Variants in JAKMIP1 observed in about 807,000 individuals in gnomAD.
The protein encoded by JAKMIP1 is janus kinase and microtubule interacting protein 1.
A neutral mutation model predicts 113.0 loss-of-function variants in JAKMIP1; 33 were observed. The observed-to-expected ratio is 0.29, with a 90% confidence interval of 0.22 to 0.39. The LOEUF (loss-of-function observed/expected upper bound fraction) is 0.39, where lower values mean the gene tolerates loss of function less well. JAKMIP1 is among the 10% of genes least tolerant of loss of function. The pLI is 1.00. For synonymous variants in JAKMIP1, 480 were observed against 459.9 expected, an observed-to-expected ratio of 1.04 and a Z score of -0.56; for missense variants, 813 against 1,080.5, an observed-to-expected ratio of 0.75 and a Z score of 3.47.
chr4:6,130,868 T>TA (rs1245648217), intron 1 of JAKMIP1, among the ~76,000 whole-genome samples: 3 of 150,416 alleles, frequency 2.0e-5, no homozygotes, highest in South Asian at 2.1e-4. Flanking sequence ...AATAAATAAA[T>TA]AAAAAAAACG....
At position 6,035,922 on chromosome 4, in the gene JAKMIP1, C is replaced by A; in HGVS notation, c.2361G>T (p.Leu787=). 1 of 1,550,470 alleles carries A rather than the reference C, an allele frequency of 6.4e-7. No homozygotes were observed. Among genetic ancestry groups the A allele is most frequent in the Non-Finnish European group, 8.7e-7 (1 of 1,146,752 alleles). ...CGCCTACCTGCTGGGCCTGCTGCAGCAGCTCCATGCGCTCCCGCAGGATCT... is the reference window on the plus strand; with the variant it reads ...CGCCTACCTGCTGGGCCTGCTGCAGAAGCTCCATGCGCTCCCGCAGGATCT... ...DSQILRERME[L]LQQAQQRIRE... Residue 787 remains leucine, a synonymous_variant, in exon 19 of 21, where the codon CTG becomes CTT. Coordinates refer to ENST00000409021, the MANE Select transcript of JAKMIP1 (RefSeq NM_001099433.2).
rs754453199 is a variant in JAKMIP1 at position 6,180,014 on chromosome 4, G to A, written c.-148+20239C>T. 2.0e-5 allele frequency among the ~76,000 whole-genome samples: 3 copies of A among 152,180 alleles called. No homozygotes were observed. The highest frequency in any genetic ancestry group is 4.4e-5 in the Non-Finnish European group (3 of 68,032). ...CAGCATGCCTGACATCCTCTTAGAA[G>A]CCATGCAAGAACATTTGCAGGGATA... On this transcript the variant is annotated intron_variant, in intron 1 of 20. Coordinates refer to ENST00000409021, the MANE Select transcript of JAKMIP1 (RefSeq NM_001099433.2). The surrounding 1 kb of genome is among the most constrained non-coding windows in gnomAD (Gnocchi z 4.5).
chr4:6,041,049 C>T (rs533340842), intron 17 of JAKMIP1, among the ~76,000 whole-genome samples: 2 of 152,204 alleles, frequency 1.3e-5, no homozygotes, highest in African/African-American at 4.8e-5. Context: ...CCTGCTACAT[C>T]CTAGTGGCCC....
chr4:6,182,877 G>A (rs1487482692), intron 1 of JAKMIP1, among the ~76,000 whole-genome samples: 1 of 152,198 alleles, frequency 6.6e-6, no homozygotes, highest in Non-Finnish European at 1.5e-5. Context: ...CCATCCCGAG[G>A]AAGAAGGGAG....
chr4:6,109,352 C>G (rs979049297), intron 2 of JAKMIP1, among the ~76,000 whole-genome samples: 1 of 151,756 alleles, frequency 6.6e-6, no homozygotes, highest in African/African-American at 2.4e-5. Context: ...CCAGGATGGT[C>G]TCGATCTCCT....
rs1336535827 is a variant in JAKMIP1 at position 6,169,489 on chromosome 4, A to T, written c.-148+30764T>A. On this transcript the variant is annotated intron_variant, in intron 1 of 20. Transcript: ENST00000409021. ...ATCCTCCACTAGAGCTTTCAGAGAG[A>T]GCATGGCCCTGCCCACACCTTCATC... is the stretch of plus-strand genomic sequence containing the variant. 8.9e-4 allele frequency among the ~76,000 whole-genome samples: 135 copies of T among 152,098 alleles called. 4 individuals carry two copies. Among genetic ancestry groups the T allele is most frequent in the Non-Finnish European group, 7.4e-5 (5 of 68,014 alleles).
In JAKMIP1 at chr4:6,199,069, G is replaced by A. The variant is rs552965582; in HGVS notation, c.-148+1184C>T. Reference sequence around the variant, plus strand: ...CACGTTCCAGGAAAGCTCAGGAGGGGCAAGGGGATCTCCCTGACTACAAGG... The same window carrying A: ...CACGTTCCAGGAAAGCTCAGGAGGGACAAGGGGATCTCCCTGACTACAAGG... On this transcript the variant is annotated intron_variant, in intron 1 of 20. Transcript: ENST00000409021. This position sits in a 1 kb window ranked among gnomAD's most constrained non-coding sequence, Gnocchi z 5.6. 6.6e-6 allele frequency among the ~76,000 whole-genome samples: 1 copy of A among 152,388 alleles called. No individual in the cohort carries two copies. Among genetic ancestry groups the A allele is most frequent in the East Asian group, 1.9e-4 (1 of 5,182 alleles).
Position 6,129,226 on chromosome 4 carries a change from T to C in JAKMIP1, c.-147-16229A>G, listed in dbSNP as rs1387925201. 6.6e-6 allele frequency among the ~76,000 whole-genome samples: 1 copy of C among 152,180 alleles called. No homozygotes were observed. The highest frequency in any genetic ancestry group is 1.5e-5 in the Non-Finnish European group (1 of 68,032). ...AAGGGACACAGGTTTCCTGATTCCT[T>C]GATAAAAATAGTCCCCCCTTCTGCA... On this transcript the variant is annotated intron_variant, in intron 1 of 20. Transcript: ENST00000409021. This position sits in a 1 kb window ranked among gnomAD's most constrained non-coding sequence, Gnocchi z 5.4.
At chr4:6,170,939 A>C (rs939633983) in intron 1 of JAKMIP1, among the ~76,000 whole-genome samples, 18 of 146,482 alleles carry the variant, frequency 1.2e-4, no homozygotes, top group African/African-American at 4.3e-4. Context: ...CATCACCACC[A>C]CCACCAGCAT....
intron 1 of JAKMIP1, among the ~76,000 whole-genome samples, chr4:6,114,074 G>A (rs564002243): frequency 2.6e-5 from 4 of 152,334 alleles, no homozygotes; most frequent in Admixed American, 2.6e-4. Flanking sequence ...TAGAGATGAG[G>A]AAATGAAAGC....
In JAKMIP1 at chr4:6,105,695, G is replaced by C. The variant is rs571748093; in HGVS notation, c.402C>G (p.Thr134=). The C allele has an allele frequency of 1.9e-6, 3 of 1,603,282 alleles. No individual in the cohort carries two copies. Among genetic ancestry groups the C allele is most frequent in the Non-Finnish European group, 8.5e-7 (1 of 1,177,894 alleles). The change falls in exon 3 of 21, where the codon ACC becomes ACG. Residue 134 remains threonine, a synonymous_variant. Transcript: ENST00000409021. ...AADKVKTALL[T]EAREEARRAF... ...CCCTGCGCGCCTCCTCGCGCGCCTC[G>C]GTCAGCAGCGCCGTCTTGACCTTGT...
intron 11 of JAKMIP1, among the ~76,000 whole-genome samples, chr4:6,056,979 C>G (rs1377933514): frequency 6.6e-6 from 1 of 152,154 alleles, no homozygotes; most frequent in African/African-American, 2.4e-5. Context: ...TTCACATTCC[C>G]AAAAGCACAA....
In JAKMIP1 at chr4:6,178,186, T is replaced by TA. The variant is rs201683750; in HGVS notation, c.-148+22066dup. Among the ~76,000 whole-genome samples the TA allele has an allele frequency of 6.5e-3, 993 of 152,278 alleles. 8 individuals carry two copies. Among genetic ancestry groups the TA allele is most frequent in the Non-Finnish European group, 9.1e-3 (618 of 67,994 alleles). ...TATTTAGCTTTGTCCCCCATGGGTA[T>TA]AAAAAAATGACCCTTTAATGTTTTG... On this transcript the variant is annotated intron_variant, in intron 1 of 20. Transcript: ENST00000409021. This position sits in a 1 kb window ranked among gnomAD's most constrained non-coding sequence, Gnocchi z 5.5.
chr4:6,109,358 C>T (rs564444298), intron 2 of JAKMIP1, among the ~76,000 whole-genome samples: 5 of 152,008 alleles, frequency 3.3e-5, no homozygotes, highest in Admixed American at 6.5e-5. Context: ...TGGTCTCGAT[C>T]TCCTGACCTC....
rs947714362 is a variant in JAKMIP1, at chr4:6,199,255, C to T, written c.-148+998G>A. On this transcript the variant is annotated intron_variant, in intron 1 of 20. Transcript: ENST00000409021. The surrounding 1 kb of genome is among the most constrained non-coding windows in gnomAD (Gnocchi z 5.6). ...GCTCAGAGAGCCGGGCAGAGGCTGG[C>T]GGAGAGCCGAGGCTGGCCCAGCCTT... 6.6e-6 allele frequency among the ~76,000 whole-genome samples: 1 copy of T among 152,226 alleles called. No individual in the cohort carries two copies. The highest frequency in any genetic ancestry group is 2.4e-5 in the African/African-American group (1 of 41,466).
In JAKMIP1 at chr4:6,061,298, C is replaced by G. The variant is rs973500740; in HGVS notation, c.1561-791G>C. On this transcript the variant is annotated intron_variant, in intron 10 of 20. Coordinates refer to ENST00000409021, the MANE Select transcript of JAKMIP1 (RefSeq NM_001099433.2). This position sits in a 1 kb window ranked among gnomAD's most constrained non-coding sequence, Gnocchi z 5.3. Reference sequence around the variant, plus strand: ...CCTCCTCTGACCTAGATGACAAAGACTGGGCCTTTTATGGTGGGACAAGCA... The same window carrying G: ...CCTCCTCTGACCTAGATGACAAAGAGTGGGCCTTTTATGGTGGGACAAGCA... Among the ~76,000 whole-genome samples the G allele has an allele frequency of 1.3e-5, 2 of 152,230 alleles. No homozygotes were observed. The highest frequency in any genetic ancestry group is 4.8e-5 in the African/African-American group (2 of 41,458).
At chr4:6,072,729 GC>G (rs1719144150) in intron 8 of JAKMIP1, among the ~76,000 whole-genome samples, 1 of 152,152 alleles carries the variant, frequency 6.6e-6, no homozygotes, top group African/African-American at 2.4e-5. Context: ...GGGGAAGGCA[GC>G]CTAGGAATAA....
At position 6,184,270 on chromosome 4, in the gene JAKMIP1, A is replaced by G. The variant is rs1462825855; in HGVS notation, c.-148+15983T>C. 6.6e-6 allele frequency among the ~76,000 whole-genome samples: 1 copy of G among 152,230 alleles called. No individual in the cohort carries two copies. The highest frequency in any genetic ancestry group is 2.4e-5 in the African/African-American group (1 of 41,462). ...GGCAGAAACCAGGTGCCCAGCACAT[A>G]GCAGACACTCCACAAATGCCCTAGG... On this transcript the variant is annotated intron_variant, in intron 1 of 20. Coordinates refer to ENST00000409021, the MANE Select transcript of JAKMIP1 (RefSeq NM_001099433.2). The surrounding 1 kb of genome is among the most constrained non-coding windows in gnomAD (Gnocchi z 4.5).
chr4:6,131,630 T>C (rs1489946913), intron 1 of JAKMIP1, among the ~76,000 whole-genome samples: 1 of 152,170 alleles, frequency 6.6e-6, no homozygotes, highest in Non-Finnish European at 1.5e-5. Flanking sequence ...CTCAGGAGGC[T>C]GAGGCATGAG....
Sources: allele counts gnomAD v4.1 joint callset (sites outside exome capture counted in the v4.1 genomes callset), GRCh38; gene constraint gnomAD v4.1.1; non-coding constraint Gnocchi (gnomAD v3.1); transcripts MANE v1.5; gene names NCBI Gene and HGNC (gene_info 2026-07-23, HGNC 2026-07-21).